Variants in CNNM1 observed in about 807,000 individuals in gnomAD.
CNNM1 encodes metal transporter CNNM1.
CNNM1 carries 44 observed loss-of-function variants against 78.8 expected under a neutral mutation model. That is an observed-to-expected ratio of 0.56 (90% confidence interval 0.44 to 0.72). The LOEUF is 0.72. Ranked by LOEUF, CNNM1 falls within the 30% of genes least tolerant of loss-of-function variation. The probability of loss-of-function intolerance (pLI) is 0.00; values close to 1 mark genes in which losing one functional copy is unlikely to be tolerated. For missense variants in CNNM1, 1,101 were observed against 1,292.2 expected (o/e 0.85, Z 2.27); for synonymous variants, 584 against 581.5 (o/e 1.00, Z -0.06).
In CNNM1 at chr10:99,329,582, C is replaced by G; in HGVS notation, c.195C>G (p.Ala65=). 1 of 1,524,356 alleles carries G rather than the reference C, an allele frequency of 6.6e-7. No homozygotes were observed. Among genetic ancestry groups the G allele is most frequent in the South Asian group, 1.2e-5 (1 of 81,530 alleles). The allele number at this position is 1,524,356 out of a possible 1,614,324, so 94.4% of individuals were successfully genotyped here. ...VSLEGGTLRA[A]EGTSFLLRVY... ...TGGAGGGGGGCACCCTGCGCGCCGC[C>G]GAAGGCACCAGCTTCCTCCTGCGTG... The change falls in exon 1 of 11, where the codon GCC becomes GCG. Residue 65 remains alanine, a synonymous_variant. Transcript: ENST00000356713.
intron 1 of CNNM1, among the ~76,000 whole-genome samples, chr10:99,345,438 C>T (rs2030649593): frequency 6.6e-6 from 1 of 152,188 alleles, no homozygotes; most frequent in South Asian, 2.1e-4. Flanking sequence ...TCTCTTCTCC[C>T]AGGGACTAGC....
At chr10:99,389,270 A>G (rs181017763) in intron 9 of CNNM1, among the ~76,000 whole-genome samples, 258 of 151,996 alleles carry the variant, frequency 1.7e-3, no homozygotes, top group South Asian at 0.015. Flanking sequence ...AACAAAAATT[A>G]GCCGGGTGTG....
chr10:99,371,938 C>T (rs2031816659), intron 6 of CNNM1, among the ~76,000 whole-genome samples: 1 of 152,206 alleles, frequency 6.6e-6, no homozygotes, highest in Non-Finnish European at 1.5e-5. Flanking sequence ...TCATCCCTCA[C>T]TGATGGTACA....
intron 1 of CNNM1, among the ~76,000 whole-genome samples, chr10:99,338,415 A>G (rs1050035497): frequency 3.3e-5 from 5 of 150,842 alleles, no homozygotes; most frequent in Non-Finnish European, 1.5e-5. Flanking sequence ...AGTAGCTGGG[A>G]CTACAGGCAT....
intron 6 of CNNM1, among the ~76,000 whole-genome samples, chr10:99,372,401 G>C (rs1001588566): frequency 2.6e-5 from 4 of 152,188 alleles, no homozygotes; most frequent in African/African-American, 9.7e-5. Context: ...CAACCTGAGG[G>C]TCTGATGCAA....
rs902528898 is a variant in CNNM1 at position 99,362,364 on chromosome 10, C to T, written c.1996C>T (p.Arg666Cys). 1.3e-5 allele frequency: 21 copies of T among 1,613,758 alleles called. No individual in the cohort carries two copies. Among genetic ancestry groups the T allele is most frequent in the East Asian group, 4.5e-5 (2 of 44,876 alleles). ...APEHYLYQRN[R>C]PVDYFVLLLQ... is the part of the protein sequence containing the mutation. ...GGAACACTACCTCTACCAGCGCAAC[C>T]GCCCTGTGGACTACTTTGTGCTGCT... Residue 666 changes from arginine (R) to cysteine (C), a missense_variant, in exon 4 of 11, where the codon CGC becomes TGC. Physicochemically the swap from Arg to Cys is radical, Grantham distance 180. Coordinates refer to ENST00000356713, the MANE Select transcript of CNNM1 (RefSeq NM_020348.3).
chr10:99,348,646 C>T (rs1450287314), intron 1 of CNNM1, among the ~76,000 whole-genome samples: 5 of 152,070 alleles, frequency 3.3e-5, no homozygotes, highest in South Asian at 2.1e-4. Flanking sequence ...GTAGTGAAGA[C>T]GGAGGAAGAG....
intron 6 of CNNM1, chr10:99,368,749 T>A (rs1194533490): frequency 1.1e-5 from 12 of 1,118,564 alleles, no homozygotes; most frequent in Non-Finnish European, 1.4e-5. Context: ...TTGGCCTCTG[T>A]CACTTTCCTG....
rs998494219 is a variant in CNNM1 at position 99,375,188 on chromosome 10, G to T, written c.2177-1867G>T. 2.0e-5 allele frequency among the ~76,000 whole-genome samples: 3 copies of T among 152,210 alleles called. No individual in the cohort carries two copies. In the East Asian group the frequency reaches 5.8e-4, roughly 29 times the overall value. ...CAAGATCAGATCAGATAGGAAAGCA[G>T]GGGCCAGGTCACAGCAAGGAATTTG... On this transcript the variant is annotated intron_variant, in intron 6 of 10. Coordinates refer to ENST00000356713, the MANE Select transcript of CNNM1 (RefSeq NM_020348.3).
intron 1 of CNNM1, among the ~76,000 whole-genome samples, chr10:99,334,497 A>G (rs12768697): frequency 1.3e-5 from 2 of 152,124 alleles, no homozygotes; most frequent in African/African-American, 4.8e-5. Context: ...TACTAAAAAT[A>G]CAAAAATTAG....
rs1057175126 is a variant in CNNM1, at chr10:99,364,796, G to C, written c.2129-159G>C. On this transcript the variant is annotated intron_variant, in intron 5 of 10. Coordinates refer to ENST00000356713, the MANE Select transcript of CNNM1 (RefSeq NM_020348.3). The stretch of plus-strand genomic sequence containing the variant: ...GGTAGATTTCAGTATGAAAAGACAA[G>C]TTTATTTTGCTTTTTATACTTGTTC... Among the ~76,000 whole-genome samples the C allele has an allele frequency of 3.3e-5, 5 of 152,200 alleles. No individual in the cohort carries two copies. The East Asian group carries it at 9.7e-4, about 29-fold the overall frequency.
At chr10:99,346,603 T>A (rs1393915214) in intron 1 of CNNM1, among the ~76,000 whole-genome samples, 1 of 152,196 alleles carries the variant, frequency 6.6e-6, no homozygotes, top group Admixed American at 6.5e-5. Context: ...CAGACTTACA[T>A]TTCTAATTGC....
rs187151805 is a variant in CNNM1 at position 99,365,835 on chromosome 10, A to G, written c.2176+833A>G. Among the ~76,000 whole-genome samples the G allele has an allele frequency of 2.0e-5, 3 of 152,274 alleles. No individual in the cohort carries two copies. The East Asian group carries it at 5.8e-4, about 29-fold the overall frequency. On this transcript the variant is annotated intron_variant, in intron 6 of 10. Coordinates refer to ENST00000356713, the MANE Select transcript of CNNM1 (RefSeq NM_020348.3). Reference sequence around the variant, plus strand: ...TTTTACATATTGCCTTGTGGTGGGAATTATCAGAGGGTCCCAGAGCTTGAT... The same window carrying G: ...TTTTACATATTGCCTTGTGGTGGGAGTTATCAGAGGGTCCCAGAGCTTGAT...
intron 1 of CNNM1, among the ~76,000 whole-genome samples, chr10:99,353,973 C>G (rs988415075): frequency 1.3e-5 from 2 of 151,982 alleles, no homozygotes; most frequent in South Asian, 2.1e-4. Context: ...TGTAAAATAT[C>G]AAAAACTGTT....
intron 1 of CNNM1, among the ~76,000 whole-genome samples, chr10:99,342,520 A>G (rs2030498863): frequency 1.3e-5 from 2 of 152,214 alleles, no homozygotes; most frequent in South Asian, 4.1e-4. Context: ...GAGCAGGATA[A>G]TTACTATAAA....
chr10:99,387,743 C>G, intron 7 of CNNM1, 77 bp from the exon 8 acceptor site: 1 of 1,423,260 alleles, frequency 7.0e-7, no homozygotes, highest in Non-Finnish European at 9.4e-7. Flanking sequence ...CGAGGCTGCC[C>G]CCGAGCCTGG....
chr10:99,373,093 G>A (rs888321179), intron 6 of CNNM1, among the ~76,000 whole-genome samples: 3 of 152,216 alleles, frequency 2.0e-5, no homozygotes, highest in African/African-American at 7.2e-5. Context: ...GAACTGGGAT[G>A]TAGCTGTTGC....
intron 4 of CNNM1, 39 bp from the exon 5 acceptor site, chr10:99,364,378 A>G (rs1224287556): frequency 6.8e-7 from 1 of 1,480,246 alleles, no homozygotes; most frequent in South Asian, 1.2e-5. Flanking sequence ...GGAAGTGCTC[A>G]TACACATTCA....
intron 7 of CNNM1, among the ~76,000 whole-genome samples, chr10:99,380,023 T>C (rs1033179933): frequency 1.7e-3 from 6 of 3,498 alleles, no homozygotes; most frequent in South Asian, 7.8e-3. Flanking sequence ...AACTCTCTCT[T>C]TTTTTTTTTT....
Sources: allele counts gnomAD v4.1 joint callset (sites outside exome capture counted in the v4.1 genomes callset), GRCh38; gene constraint gnomAD v4.1.1; transcripts MANE v1.5; gene names NCBI Gene and HGNC (gene_info 2026-07-23, HGNC 2026-07-21).